HMX1: variants seen among roughly 807,000 people sequenced by gnomAD.
The protein encoded by HMX1 is H6 family homeobox 1.
HMX1 carries 8 observed loss-of-function variants against 8.9 expected under a neutral mutation model. The observed-to-expected ratio is 0.90, with a 90% CI of 0.53 to 1.63. HMX1 has a LOEUF of 1.63. HMX1 is among the 40% of genes most tolerant of loss of function. HMX1 has a pLI of 0.00. For synonymous variants in HMX1, 311 were observed against 283.4 expected (o/e 1.10, Z -0.98); for missense variants, 621 against 558.5 (o/e 1.11, Z -1.13).
In HMX1 at chr4:8,867,548, GCCGC is replaced by G; in HGVS notation, c.*141_*144del. 8.4e-7 allele frequency: 1 copy of G among 1,187,474 alleles called. No individual in the cohort carries two copies. The highest frequency in any genetic ancestry group is 1.0e-6 in the Non-Finnish European group (1 of 959,702). The allele number at this position is 1,187,474 out of a possible 1,614,324, so 73.6% of individuals were successfully genotyped here. A position where few individuals can be genotyped will look rare whatever the true frequency, so the allele number is the denominator to read the frequency against. ...CCCCACAGAAGCTGAGGCCCGCCCG[GCCGC>G]GGCCTGCGCTCCCGAGGTATCTAGG... On this transcript the variant is annotated 3_prime_UTR_variant, in exon 2 of 2. Coordinates refer to ENST00000400677, the MANE Select transcript of HMX1 (RefSeq NM_018942.3).
chr4:8,870,849 C>T lies in HMX1; in HGVS notation c.394+372G>A, dbSNP rs1325035656. 7.1e-6 allele frequency among the ~76,000 whole-genome samples: 1 copy of T among 140,118 alleles called. No homozygotes were observed. Among genetic ancestry groups the T allele is most frequent in the Non-Finnish European group, 1.5e-5 (1 of 65,166 alleles). 91.9% of individuals were successfully genotyped at this position (140,118 alleles called of 152,430 possible). A position where few individuals can be genotyped will look rare whatever the true frequency, so the allele number is the denominator to read the frequency against. On this transcript the variant is annotated intron_variant, in intron 1 of 1. Transcript: ENST00000400677. The surrounding 1 kb of genome is among the most constrained non-coding windows in gnomAD (Gnocchi z 4.4). The stretch of plus-strand genomic sequence containing the variant: ...GCAGCACATTCCTTTCTTCCTCCAT[C>T]CTCCCATTTTCTTTCTCAGCCTCTT...
intron 1 of HMX1, among the ~76,000 whole-genome samples, chr4:8,855,266 T>C (rs1044505764): frequency 6.6e-6 from 1 of 152,246 alleles, no homozygotes; most frequent in Non-Finnish European, 1.5e-5. Context: ...ACCTCCACTG[T>C]GTGGCTGCGG....
chr4:8,847,565 A>G lies in HMX1; in HGVS notation c.395-1241T>C, dbSNP rs1721316396. 6.6e-6 allele frequency among the ~76,000 whole-genome samples: 1 copy of G among 152,290 alleles called. No individual in the cohort carries two copies. The highest frequency in any genetic ancestry group is 2.1e-4 in the South Asian group (1 of 4,826). On this transcript the variant is annotated intron_variant, in intron 1 of 1. Transcript: ENST00000506970. The surrounding 1 kb of genome is among the most constrained non-coding windows in gnomAD (Gnocchi z 6.0). ...GGACCTGAAGGAACATCGGCCAGAC[A>G]CTGGACACGTGCAAACCACCCCCTT... is the stretch of plus-strand genomic sequence containing the variant.
At chr4:8,863,806 C>T (rs914281434), downstream of HMX1, among the ~76,000 whole-genome samples, 1 of 152,224 alleles carries the variant, frequency 6.6e-6, no homozygotes. Flanking sequence ...CCCAGGTCGG[C>T]CTCCAGGATT....
At position 8,870,813 on chromosome 4, in the gene HMX1, TTCTC is replaced by T. The variant is rs1467104051; in HGVS notation, c.394+404_394+407del. On this transcript the variant is annotated intron_variant, in intron 1 of 1. Coordinates refer to ENST00000400677, the MANE Select transcript of HMX1 (RefSeq NM_018942.3). The surrounding 1 kb of genome is among the most constrained non-coding windows in gnomAD (Gnocchi z 4.4). ...TGCATCTTCCCCTCCCCCCACCCCA[TTCTC>T]TCTCCCGCAGCACATTCCTTTCTTC... 1.8e-5 allele frequency among the ~76,000 whole-genome samples: 2 copies of T among 110,246 alleles called. No homozygotes were observed. The highest frequency in any genetic ancestry group is 6.6e-4 in the East Asian group (2 of 3,008). 72.3% of individuals were successfully genotyped at this position (110,246 alleles called of 152,430 possible). A position where few individuals can be genotyped will look rare whatever the true frequency, so the allele number is the denominator to read the frequency against.
At chr4:8,860,066 G>A (rs1183124710) in intron 1 of HMX1, among the ~76,000 whole-genome samples, 1 of 152,250 alleles carries the variant, frequency 6.6e-6, no homozygotes, top group Non-Finnish European at 1.5e-5. Context: ...AACTGCGTCA[G>A]GGGCGAAGCC....
rs534795074 is a variant in HMX1 at position 8,867,947 on chromosome 4, C to G, written c.793G>C (p.Glu265Gln). The G allele has an allele frequency of 4.9e-5, 73 of 1,488,788 alleles. No individual in the cohort carries two copies. The African/African-American group carries it at 7.9e-4, about 16-fold the overall frequency. The allele number at this position is 1,488,788 out of a possible 1,614,324, so 92.2% of individuals were successfully genotyped here. A position where few individuals can be genotyped will look rare whatever the true frequency, so the allele number is the denominator to read the frequency against. ...RNKWKRQLAA[E>Q]LEAASLSPPG... is the part of the protein sequence containing the mutation. ...GGGGACAGGCTGGCCGCCTCCAGCTCGGCTGCCAGCTGCCGCTTCCACTTG... is the reference window on the plus strand; with the variant it reads ...GGGGACAGGCTGGCCGCCTCCAGCTGGGCTGCCAGCTGCCGCTTCCACTTG... Residue 265 changes from glutamate (E) to glutamine (Q), a missense_variant, in exon 2 of 2, where the codon GAG (glutamate) becomes CAG (glutamine). Glu to Gln is a conservative substitution (Grantham distance 29). Coordinates refer to ENST00000400677, the MANE Select transcript of HMX1 (RefSeq NM_018942.3).
chr4:8,870,322 A>G lies in HMX1; in HGVS notation c.394+899T>C, dbSNP rs1282286771. On this transcript the variant is annotated intron_variant, in intron 1 of 1. Coordinates refer to ENST00000400677, the MANE Select transcript of HMX1 (RefSeq NM_018942.3). The surrounding 1 kb of genome is among the most constrained non-coding windows in gnomAD (Gnocchi z 4.4). ...TAAAGGGCAGGTACAAAAGGGAGGC[A>G]GCGACCCTGGAACCCTGGGGAGGGG... 1.3e-5 allele frequency among the ~76,000 whole-genome samples: 2 copies of G among 152,102 alleles called. No homozygotes were observed. Among genetic ancestry groups the G allele is most frequent in the East Asian group, 3.9e-4 (2 of 5,154 alleles).
chr4:8,867,915 T>C lies in HMX1; in HGVS notation c.825A>G (p.Gly275=), dbSNP rs2109472902. Residue 275 remains glycine (G), a synonymous_variant, in exon 2 of 2, where the codon GGA becomes GGG. Coordinates refer to ENST00000400677, the MANE Select transcript of HMX1 (RefSeq NM_018942.3). ...ELEAASLSPP[G]AQRLVRVPVL... ...CCGGCACGCGGACCAGGCGCTGCGCTCCCGGCGGGGACAGGCTGGCCGCCT... is the reference window on the plus strand; with the variant it reads ...CCGGCACGCGGACCAGGCGCTGCGCCCCCGGCGGGGACAGGCTGGCCGCCT... The C allele has an allele frequency of 7.0e-7, 1 of 1,431,286 alleles. No individual in the cohort carries two copies. The highest frequency in any genetic ancestry group is 9.2e-7 in the Non-Finnish European group (1 of 1,090,748). 88.7% of individuals were successfully genotyped at this position (1,431,286 alleles called of 1,614,324 possible).
intron 1 of HMX1, among the ~76,000 whole-genome samples, chr4:8,861,008 GC>G (rs1169900095): frequency 1.3e-5 from 2 of 151,336 alleles, no homozygotes; most frequent in African/African-American, 4.9e-5. Flanking sequence ...CGGGGAGGGG[GC>G]GGGGCGCCCG....
chr4:8,868,380 G>T lies in HMX1; in HGVS notation c.395-35C>A. On this transcript the variant is annotated intron_variant, in intron 1 of 1. Transcript: ENST00000400677. This position sits in a 1 kb window ranked among gnomAD's most constrained non-coding sequence, Gnocchi z 4.6. ...AGAGAGGGCACCACCGTTGGTTCTA[G>T]GGCACTGATTACCAGACTCAATCAC... 3 of 1,336,138 alleles carry T rather than the reference G, an allele frequency of 2.2e-6. No individual in the cohort carries two copies. The highest frequency in any genetic ancestry group is 2.9e-6 in the Non-Finnish European group (3 of 1,045,918). The allele number at this position is 1,336,138 out of a possible 1,614,324, so 82.8% of individuals were successfully genotyped here. A position where few individuals can be genotyped will look rare whatever the true frequency, so the allele number is the denominator to read the frequency against.
In HMX1 at chr4:8,867,485, CA is replaced by C. The variant is rs1722041221; in HGVS notation, c.*207del. ...CTGTTCGAGTGGGGATCCAGCCTGGCAAATGGGTGGGGCGTCCCATTACATT... is the reference window on the plus strand; with the variant it reads ...CTGTTCGAGTGGGGATCCAGCCTGGCAATGGGTGGGGCGTCCCATTACATT... On this transcript the variant is annotated 3_prime_UTR_variant, in exon 2 of 2. Coordinates refer to ENST00000400677, the MANE Select transcript of HMX1 (RefSeq NM_018942.3). 1 of 1,165,076 alleles carries C rather than the reference CA, an allele frequency of 8.6e-7. No homozygotes were observed. Among genetic ancestry groups the C allele is most frequent in the African/African-American group, 1.6e-5 (1 of 62,096 alleles). 72.2% of individuals were successfully genotyped at this position (1,165,076 alleles called of 1,614,324 possible). A position where few individuals can be genotyped will look rare whatever the true frequency, so the allele number is the denominator to read the frequency against.
At chr4:8,858,000 A>G (rs1721670501) in intron 1 of HMX1, among the ~76,000 whole-genome samples, 1 of 151,902 alleles carries the variant, frequency 6.6e-6, no homozygotes, top group Non-Finnish European at 1.5e-5. Flanking sequence ...GCTTTTAACG[A>G]AAAAGAAGTT....
At chr4:8,846,245 T>C in exon 2 of HMX1, 1 of 1,534,546 alleles carries the variant, frequency 6.5e-7, no homozygotes, top group Non-Finnish European at 8.7e-7. Context: ...CACTGTCACT[T>C]CTGTTCACTT....
At chr4:8,857,444 G>A (rs1721644589) in intron 1 of HMX1, among the ~76,000 whole-genome samples, 1 of 152,168 alleles carries the variant, frequency 6.6e-6, no homozygotes, top group South Asian at 2.1e-4. Context: ...CTTCCCCCGC[G>A]GCTTCCCTGC....
At chr4:8,846,375 G>C in intron 1 of HMX1, 1 of 1,388,260 alleles carries the variant, frequency 7.2e-7, no homozygotes, top group South Asian at 1.3e-5. Context: ...GTCTGCACAA[G>C]GTGTCAGCTA....
At chr4:8,861,434 G>A (rs1184752547) in intron 1 of HMX1, among the ~76,000 whole-genome samples, 1 of 152,206 alleles carries the variant, frequency 6.6e-6, no homozygotes, top group African/African-American at 2.4e-5. Flanking sequence ...GACTCGGGCC[G>A]GTCAGAAGTA....
rs1722057189 is a variant in HMX1 at position 8,867,803 on chromosome 4, G to C, written c.937C>G (p.Pro313Ala). The change falls in exon 2 of 2, where the codon CCG becomes GCG. Residue 313 changes from proline (P) to alanine (A), a missense_variant. By Grantham distance (27) the Pro-to-Ala change is conservative. Transcript: ENST00000400677. ...GAGAAGCCGAGCAGCGGTGGGGGCGGCGCGGGCGCGGCGGGCGCCAGCGGG... is the reference window on the plus strand; with the variant it reads ...GAGAAGCCGAGCAGCGGTGGGGGCGCCGCGGGCGCGGCGGGCGCCAGCGGG... Reference protein sequence around the residue: ...PFPLAPAAPAPPPPLLGFSGA... With the variant: ...PFPLAPAAPAAPPPLLGFSGA... 4.9e-6 allele frequency: 6 copies of C among 1,229,820 alleles called. No homozygotes were observed. The highest frequency in any genetic ancestry group is 5.1e-6 in the Non-Finnish European group (5 of 989,104). 76.2% of individuals were successfully genotyped at this position (1,229,820 alleles called of 1,614,324 possible). A position where few individuals can be genotyped will look rare whatever the true frequency, so the allele number is the denominator to read the frequency against.
chr4:8,861,920 C>T (rs1721839753), intron 1 of HMX1, among the ~76,000 whole-genome samples: 1 of 152,262 alleles, frequency 6.6e-6, no homozygotes. Context: ...CGCAACCTCC[C>T]AAACACTGCA....
Sources: allele counts gnomAD v4.1 joint callset (sites outside exome capture counted in the v4.1 genomes callset), GRCh38; gene constraint gnomAD v4.1.1; non-coding constraint Gnocchi (gnomAD v3.1); transcripts MANE v1.5; gene names NCBI Gene and HGNC (gene_info 2026-07-23, HGNC 2026-07-21).